ZCCHC14: variants seen among roughly 807,000 people sequenced by gnomAD.
ZCCHC14 encodes zinc finger CCHC domain-containing protein 14.
ZCCHC14 carries 16 observed loss-of-function variants against 85.0 expected under a neutral mutation model. That is an observed-to-expected ratio of 0.19 (90% CI 0.13 to 0.29). The LOEUF is 0.29. ZCCHC14 is among the 10% of genes least tolerant of loss of function. The pLI, the probability that ZCCHC14 is intolerant of heterozygous loss-of-function variation, is 1.00. For missense variants in ZCCHC14, 1,303 were observed against 1,443.5 expected (o/e 0.90, Z 1.58); for synonymous variants, 775 against 630.7 (o/e 1.23, Z -3.43).
intron 1 of ZCCHC14, among the ~76,000 whole-genome samples, chr16:87,461,844 C>T (rs945576195): frequency 1.3e-5 from 2 of 151,878 alleles, no homozygotes; most frequent in Admixed American, 6.5e-5. Context: ...AATGCCCCTG[C>T]CCCCCAGCAA....
chr16:87,428,227 GA>G (rs1854430777), intron 3 of ZCCHC14, among the ~76,000 whole-genome samples: 1 of 152,032 alleles, frequency 6.6e-6, no homozygotes, highest in South Asian at 2.1e-4. Flanking sequence ...TTGTATCCTG[GA>G]AAACAACGAT....
chr16:87,467,383 T>A (rs13331353), intron 1 of ZCCHC14: 1 of 1,599,278 alleles, frequency 6.3e-7, no homozygotes, highest in Middle Eastern at 1.8e-4. Flanking sequence ...CAAGAGAAAC[T>A]GGGCACAGTT....
chr16:87,423,701 C>G, intron 4 of ZCCHC14, 109 bp downstream of exon 4: 1 of 1,276,672 alleles, frequency 7.8e-7, no homozygotes, highest in Non-Finnish European at 1.1e-6. Flanking sequence ...GCCCTGCGCA[C>G]GCTCACTCGC....
chr16:87,420,795 T>A lies in ZCCHC14; in HGVS notation c.841-79A>T. ...AGAATTCTGCTACTGCAGGAAAACC[T>A]GGGGCAGGTGCTCCATGGTGCCGCC... On this transcript the variant is annotated intron_variant, in intron 4 of 12. Transcript: ENST00000671377. This position sits in a 1 kb window ranked among gnomAD's most constrained non-coding sequence, Gnocchi z 5.0. The A allele has an allele frequency of 8.0e-7, 1 of 1,243,332 alleles. No homozygotes were observed. The highest frequency in any genetic ancestry group is 1.4e-5 in the South Asian group (1 of 69,252). The allele number at this position is 1,243,332 out of a possible 1,614,324, so 77.0% of individuals were successfully genotyped here.
At chr16:87,411,252 C>G (rs567599778) in intron 12 of ZCCHC14, among the ~76,000 whole-genome samples, 1 of 152,214 alleles carries the variant, frequency 6.6e-6, no homozygotes, top group Non-Finnish European at 1.5e-5. Flanking sequence ...AATCAGGACA[C>G]GGCAGTCCAG....
intron 3 of ZCCHC14, among the ~76,000 whole-genome samples, chr16:87,428,588 T>G (rs1335159060): frequency 1.3e-5 from 2 of 152,230 alleles, no homozygotes; most frequent in African/African-American, 2.4e-5. Flanking sequence ...TAACTGACGA[T>G]GAACTGCACG....
chr16:87,436,363 G>A (rs146409717), intron 2 of ZCCHC14, among the ~76,000 whole-genome samples: 1 of 152,264 alleles, frequency 6.6e-6, no homozygotes, highest in Non-Finnish European at 1.5e-5. Context: ...GACGCAGCGA[G>A]GCTCCCTCTA....
intron 2 of ZCCHC14, among the ~76,000 whole-genome samples, chr16:87,435,319 G>T (rs1310474890): frequency 6.6e-6 from 1 of 152,196 alleles, no homozygotes; most frequent in Non-Finnish European, 1.5e-5. Context: ...CCACGCTGAG[G>T]GTTCTGCAGC....
intron 2 of ZCCHC14, among the ~76,000 whole-genome samples, chr16:87,443,514 C>T (rs560813200): frequency 6.6e-6 from 1 of 151,686 alleles, no homozygotes; most frequent in Non-Finnish European, 1.5e-5. Flanking sequence ...GGCAGAAGAA[C>T]TGCCTGAGCT....
chr16:87,412,477 T>C lies in ZCCHC14; in HGVS notation c.2244A>G (p.Gln748=). The part of the protein sequence containing the change: ...TLDRVLKTAQ[Q]PALVVETSTA... Reference sequence around the variant, plus strand: ...TGCTGGTCTCCACGACCAGGGCCGGTTGCTGTGCTGTCTTCAGCACCCTGT... The same window carrying C: ...TGCTGGTCTCCACGACCAGGGCCGGCTGCTGTGCTGTCTTCAGCACCCTGT... The change falls in exon 12 of 13, where the codon CAA becomes CAG. Residue 748 remains glutamine, a synonymous_variant. Coordinates refer to ENST00000671377, the MANE Select transcript of ZCCHC14 (RefSeq NM_015144.3). 1 of 1,613,924 alleles carries C rather than the reference T, an allele frequency of 6.2e-7. No homozygotes were observed. The highest frequency in any genetic ancestry group is 8.5e-7 in the Non-Finnish European group (1 of 1,179,958).
At chr16:87,473,163 G>A (rs1002922087) in intron 1 of ZCCHC14, 7 of 152,112 alleles carry the variant, frequency 4.6e-5, no homozygotes, top group Admixed American at 4.6e-4. Context: ...CCAAGAGGAT[G>A]GCAGATGAGA....
Position 87,421,238 on chromosome 16 carries a change from T to G in ZCCHC14, c.841-522A>C, listed in dbSNP as rs944491006. ...CCTGGGGACCGGGCACCAGGCCTAG[T>G]GCAATTCCCGGGACCACTCTCTGGA... On this transcript the variant is annotated intron_variant, in intron 4 of 12. Coordinates refer to ENST00000671377, the MANE Select transcript of ZCCHC14 (RefSeq NM_015144.3). Among the ~76,000 whole-genome samples the G allele has an allele frequency of 2.0e-5, 3 of 152,238 alleles. No individual in the cohort carries two copies. The East Asian group carries it at 5.8e-4, about 30-fold the overall frequency.
intron 2 of ZCCHC14, among the ~76,000 whole-genome samples, chr16:87,445,027 G>A (rs1022278622): frequency 1.3e-5 from 2 of 151,748 alleles, no homozygotes; most frequent in African/African-American, 4.8e-5. Context: ...ATATTGTAGT[G>A]ACAACTTTTC....
intron 2 of ZCCHC14, among the ~76,000 whole-genome samples, chr16:87,441,927 G>A (rs543263545): frequency 6.6e-6 from 1 of 152,216 alleles, no homozygotes; most frequent in South Asian, 2.1e-4. Flanking sequence ...GCGATTCCAG[G>A]TGGGGTGACA....
At chr16:87,449,869 A>T (rs1219899727) in intron 2 of ZCCHC14, among the ~76,000 whole-genome samples, 2 of 152,104 alleles carry the variant, frequency 1.3e-5, no homozygotes, top group African/African-American at 4.8e-5. Context: ...ACATGGCAAA[A>T]CCCTGTCTCT....
chr16:87,476,444 G>A (rs1912008398), intron 1 of ZCCHC14, among the ~76,000 whole-genome samples: 2 of 152,126 alleles, frequency 1.3e-5, no homozygotes, highest in Admixed American at 6.5e-5. Flanking sequence ...CAGCACAGAT[G>A]TAACATGTAC....
intron 9 of ZCCHC14, 87 bp from the exon 10 acceptor site, chr16:87,414,628 C>A: frequency 6.7e-7 from 1 of 1,497,684 alleles, no homozygotes. Context: ...TACTCCACAC[C>A]ACAGGGCGGC....
intron 2 of ZCCHC14, among the ~76,000 whole-genome samples, chr16:87,456,533 CAAAAAAAAAAAAAAA>C (rs60817141): frequency 6.3e-5 from 4 of 63,370 alleles, no homozygotes; most frequent in Middle Eastern, 8.9e-3. Flanking sequence ...ACTCTGTCTC[CAAAAAAAAAAAAAAA>C]AAAAAAAAAA....
chr16:87,414,626 A>C (rs1335243333), intron 9 of ZCCHC14, 85 bp from the exon 10 acceptor site: 20 of 1,500,168 alleles, frequency 1.3e-5, no homozygotes, highest in Non-Finnish European at 1.8e-5. Flanking sequence ...TCTACTCCAC[A>C]CCACAGGGCG....
Sources: gnomAD v4.1 joint callset for allele counts (sites outside exome capture counted in the v4.1 genomes callset) on GRCh38, gnomAD v4.1.1 for gene constraint, Gnocchi (gnomAD v3.1) non-coding constraint, MANE v1.5 for transcripts, NCBI Gene and HGNC (gene_info 2026-07-23, HGNC 2026-07-21) for gene names.